The following ZNF804A variants were observed in gnomAD, a reference collection of about 807,000 sequenced individuals.
ZNF804A encodes zinc finger protein 804A.
ZNF804A carries 2 observed loss-of-function variants against 16.5 expected under a neutral mutation model. The observed-to-expected ratio is 0.12, with a 90% confidence interval of 0.05 to 0.38. The LOEUF (loss-of-function observed/expected upper bound fraction) is 0.38, where lower values mean the gene tolerates loss of function less well. ZNF804A is among the 10% of genes least tolerant of loss of function. The pLI, the probability that ZNF804A is intolerant of heterozygous loss-of-function variation, is 0.99. For missense variants in ZNF804A, 1,473 were observed against 1,390.7 expected (o/e 1.06, Z -0.94); for synonymous variants, 534 against 489.6 (o/e 1.09, Z -1.20).
At chr2:184,621,707 C>A (rs1031050525) in intron 1 of ZNF804A, among the ~76,000 whole-genome samples, 1 of 151,652 alleles carries the variant, frequency 6.6e-6, no homozygotes, top group Non-Finnish European at 1.5e-5. Context: ...AATTTACTGG[C>A]AGCAAGTAGA....
intron 1 of ZNF804A, among the ~76,000 whole-genome samples, chr2:184,739,016 A>T (rs931216631): frequency 2.0e-5 from 3 of 152,178 alleles, no homozygotes; most frequent in Admixed American, 6.5e-5. Context: ...ATTTTACACG[A>T]TTCTGAAATT....
intron 1 of ZNF804A, among the ~76,000 whole-genome samples, chr2:184,738,517 A>G (rs1347962378): frequency 6.6e-6 from 1 of 152,224 alleles, no homozygotes; most frequent in Non-Finnish European, 1.5e-5. Context: ...GTACAAAGGC[A>G]TTATTGTAAA....
intron 1 of ZNF804A, among the ~76,000 whole-genome samples, chr2:184,621,491 T>C (rs1691419464): frequency 6.6e-6 from 1 of 151,770 alleles, no homozygotes; most frequent in African/African-American, 2.4e-5. Flanking sequence ...ATAATTACAC[T>C]ATGCTACTAG....
At chr2:184,885,999 C>G (rs1684882619) in intron 2 of ZNF804A, among the ~76,000 whole-genome samples, 1 of 152,148 alleles carries the variant, frequency 6.6e-6, no homozygotes, top group Non-Finnish European at 1.5e-5. Context: ...AGTCACAATT[C>G]ATTTTAGAAT....
chr2:184,659,526 T>C (rs1430853450), intron 1 of ZNF804A, among the ~76,000 whole-genome samples: 2 of 151,980 alleles, frequency 1.3e-5, no homozygotes, highest in African/African-American at 4.8e-5. Flanking sequence ...ACATATATAT[T>C]TGAAACCTTA....
intron 2 of ZNF804A, among the ~76,000 whole-genome samples, chr2:184,902,716 CT>C (rs569986652): frequency 6.6e-6 from 1 of 151,820 alleles, no homozygotes; most frequent in African/African-American, 2.4e-5. Flanking sequence ...TGAATGTTTT[CT>C]TTTTTTTACC....
At chr2:184,892,478 G>C (rs1574259375) in intron 2 of ZNF804A, among the ~76,000 whole-genome samples, 1 of 112,040 alleles carries the variant, frequency 8.9e-6, no homozygotes. Context: ...TCACATTGTT[G>C]TGTTCTTTTT....
intron 1 of ZNF804A, among the ~76,000 whole-genome samples, chr2:184,677,314 T>C (rs897223941): frequency 5.3e-5 from 8 of 151,966 alleles, no homozygotes; most frequent in Admixed American, 5.2e-4. Context: ...CATATAGTAA[T>C]ATCTAGAGGA....
intron 1 of ZNF804A, among the ~76,000 whole-genome samples, chr2:184,616,142 T>A (rs746907837): frequency 6.6e-6 from 1 of 151,988 alleles, no homozygotes; most frequent in Non-Finnish European, 1.5e-5. Context: ...AGAATTTTAC[T>A]TTTTTTTCAA....
At chr2:184,927,403 A>G (rs1265080942) in intron 2 of ZNF804A, among the ~76,000 whole-genome samples, 1 of 152,166 alleles carries the variant, frequency 6.6e-6, no homozygotes, top group Non-Finnish European at 1.5e-5. Flanking sequence ...GAGTGTCATA[A>G]ACACCCCTGT....
chr2:184,696,204 G>T (rs1692829031), intron 1 of ZNF804A, among the ~76,000 whole-genome samples: 1 of 152,222 alleles, frequency 6.6e-6, no homozygotes, highest in Non-Finnish European at 1.5e-5. Context: ...AGAATCAGGT[G>T]AGAGAATACT....
chr2:184,657,818 T>A (rs1692106459), intron 1 of ZNF804A, among the ~76,000 whole-genome samples: 1 of 152,016 alleles, frequency 6.6e-6, no homozygotes, highest in African/African-American at 2.4e-5. Flanking sequence ...GAAAAGGTAG[T>A]TGGTCTAGAA....
chr2:184,881,690 A>C (rs189129558), intron 2 of ZNF804A, among the ~76,000 whole-genome samples: 5 of 152,138 alleles, frequency 3.3e-5, no homozygotes, highest in African/African-American at 1.2e-4. Context: ...GCCAAGCTTC[A>C]TAAACAAAGG....
At chr2:184,862,370 C>T (rs972723832) in intron 1 of ZNF804A, among the ~76,000 whole-genome samples, 1 of 152,140 alleles carries the variant, frequency 6.6e-6, no homozygotes, top group African/African-American at 2.4e-5. Context: ...CCTTAAGATG[C>T]ACATACAATA....
intron 1 of ZNF804A, among the ~76,000 whole-genome samples, chr2:184,637,963 C>T (rs184571277): frequency 6.6e-6 from 1 of 152,232 alleles, no homozygotes; most frequent in Admixed American, 6.5e-5. Flanking sequence ...CTTCTTATGA[C>T]CTCCAGTAAT....
At chr2:184,802,600 G>A (rs368020547) in intron 1 of ZNF804A, among the ~76,000 whole-genome samples, 1 of 152,156 alleles carries the variant, frequency 6.6e-6, no homozygotes, top group African/African-American at 2.4e-5. Context: ...GTGACTCTCT[G>A]AGATCACTTC....
In ZNF804A at chr2:184,598,890, G is replaced by C. The variant is rs1280857906; in HGVS notation, c.-70G>C. The stretch of plus-strand genomic sequence containing the variant: ...TTCCCAGCCCACCGTCGCCGGCCCC[G>C]GCGCGCTGCGGCTGTGGGCGCGGGG... On this transcript the variant is annotated 5_prime_UTR_variant, in exon 1 of 4. Transcript: ENST00000302277. The C allele has an allele frequency of 3.8e-6, 4 of 1,043,302 alleles. No homozygotes were observed. The highest frequency in any genetic ancestry group is 5.3e-6 in the Non-Finnish European group (4 of 758,918). The allele number at this position is 1,043,302 out of a possible 1,614,324, so 64.6% of individuals were successfully genotyped here. A position where few individuals can be genotyped will look rare whatever the true frequency, so the allele number is the denominator to read the frequency against.
chr2:184,619,620 A>C (rs554740152), intron 1 of ZNF804A, among the ~76,000 whole-genome samples: 29 of 152,182 alleles, frequency 1.9e-4, no homozygotes, highest in African/African-American at 7.0e-4. Flanking sequence ...AATAAAAAAC[A>C]TGATTTTAAA....
intron 2 of ZNF804A, among the ~76,000 whole-genome samples, chr2:184,903,954 T>C (rs933153224): frequency 6.6e-6 from 1 of 152,092 alleles, no homozygotes; most frequent in Non-Finnish European, 1.5e-5. Context: ...GATGATGATC[T>C]TAAATAAAGA....
Sources: allele counts gnomAD v4.1 joint callset (sites outside exome capture counted in the v4.1 genomes callset), GRCh38; gene constraint gnomAD v4.1.1; transcripts MANE v1.5; gene names NCBI Gene and HGNC (gene_info 2026-07-23, HGNC 2026-07-21).